The following STK39 variants were observed in gnomAD, a reference collection of about 807,000 sequenced individuals.
STK39 encodes the protein serine/threonine kinase 39, also known as STE20/SPS1-related proline-alanine-rich protein kinase.
Under a neutral mutation model 77.8 loss-of-function variants are expected in STK39, and 20 were observed. The observed-to-expected ratio is 0.26, with a 90% CI of 0.18 to 0.37. The LOEUF is 0.37. Among genes scored for constraint, STK39 ranks in the 10% least tolerant of loss-of-function variants. The pLI, the probability that STK39 is intolerant of heterozygous loss-of-function variation, is 1.00. For synonymous variants in STK39, 246 were observed against 234.1 expected, an observed-to-expected ratio of 1.05 and a Z score of -0.47; for missense variants, 479 against 656.5, an observed-to-expected ratio of 0.73 and a Z score of 2.95.
In STK39 at chr2:168,015,866, C is replaced by G. The variant is rs185521814; in HGVS notation, c.1429+1177G>C. Among the ~76,000 whole-genome samples the G allele has an allele frequency of 2.1e-3, 313 of 152,274 alleles. 4 individuals are homozygous for G. The highest frequency in any genetic ancestry group is 2.9e-4 in the Non-Finnish European group (20 of 68,008). ...TGCTGTACAACTTCATAAACCAACT[C>G]TAAATTGTCAAAGATGGATACCTCC... On this transcript the variant is annotated intron_variant, in intron 15 of 17. Transcript: ENST00000355999.
intron 16 of STK39, among the ~76,000 whole-genome samples, chr2:167,995,562 T>G (rs1242266262): frequency 6.6e-6 from 1 of 152,080 alleles, no homozygotes; most frequent in Non-Finnish European, 1.5e-5. Context: ...TACCTAAGAA[T>G]GTGAGCACTG....
At chr2:167,979,199 G>A (rs1182549763) in intron 16 of STK39, among the ~76,000 whole-genome samples, 2 of 152,136 alleles carry the variant, frequency 1.3e-5, no homozygotes, top group Non-Finnish European at 2.9e-5. Flanking sequence ...ACCTAGCAGT[G>A]GAATGGCTGG....
At position 168,063,684 on chromosome 2, in the gene STK39, A is replaced by T. The variant is rs193223074; in HGVS notation, c.1306-114T>A. The T allele has an allele frequency of 4.7e-5, 43 of 916,104 alleles. 1 individual carries two copies. In the Admixed American group the frequency reaches 5.2e-4, roughly 11 times the overall value. 56.7% of individuals were successfully genotyped at this position (916,104 alleles called of 1,614,324 possible). ...TTCTTTCTGGAAATTTCAAAACTAG[A>T]TCTTTACACACGCAGGCCTTCTTTG... On this transcript the variant is annotated intron_variant, in intron 13 of 17. Transcript: ENST00000355999.
intron 5 of STK39, among the ~76,000 whole-genome samples, chr2:168,141,281 G>GTCGC (rs1687973903): frequency 6.6e-6 from 1 of 152,150 alleles, no homozygotes; most frequent in African/African-American, 2.4e-5. Context: ...AAATGTTTTA[G>GTCGC]ATTTTGGATT....
intron 14 of STK39, among the ~76,000 whole-genome samples, chr2:168,030,167 G>C (rs901000832): frequency 3.9e-5 from 6 of 152,200 alleles, no homozygotes; most frequent in Non-Finnish European, 5.9e-5. Flanking sequence ...ATGAATCTGG[G>C]AGGCGGAGCT....
intron 1 of STK39, among the ~76,000 whole-genome samples, chr2:168,243,998 CAG>C (rs1217268246): frequency 1.3e-5 from 2 of 152,218 alleles, no homozygotes; most frequent in Middle Eastern, 3.4e-3. Context: ...TCCAAAAAGA[CAG>C]AAATATTTGA....
At chr2:168,038,070 T>G (rs1411753890) in intron 14 of STK39, among the ~76,000 whole-genome samples, 1 of 152,164 alleles carries the variant, frequency 6.6e-6, no homozygotes. Context: ...TGTGGTTTAG[T>G]TGAAAATCTG....
At chr2:168,017,308 T>C (rs1684437381) in intron 14 of STK39, among the ~76,000 whole-genome samples, 1 of 151,930 alleles carries the variant, frequency 6.6e-6, no homozygotes, top group Non-Finnish European at 1.5e-5. Context: ...TATATAAACA[T>C]GCTTATATCA....
intron 10 of STK39, 76 bp downstream of exon 10, chr2:168,129,465 T>G (rs1687624566): frequency 1.3e-6 from 2 of 1,538,040 alleles, no homozygotes; most frequent in African/African-American, 1.4e-5. Flanking sequence ...TGTGGAAATC[T>G]TTTTCCAATT....
At chr2:167,982,496 G>A (rs1185970098) in intron 16 of STK39, among the ~76,000 whole-genome samples, 1 of 152,176 alleles carries the variant, frequency 6.6e-6, no homozygotes, top group South Asian at 2.1e-4. Flanking sequence ...TGATGTAACA[G>A]GCACAGCTGC....
chr2:168,224,993 C>T (rs556877388), intron 1 of STK39, among the ~76,000 whole-genome samples: 1 of 152,270 alleles, frequency 6.6e-6, no homozygotes, highest in East Asian at 1.9e-4. Context: ...GGAAACTGCC[C>T]TTTGAGGTTC....
intron 10 of STK39, among the ~76,000 whole-genome samples, chr2:168,080,647 T>TA (rs1686205104): frequency 6.6e-6 from 1 of 151,970 alleles, no homozygotes. Flanking sequence ...AAAAAAATGT[T>TA]AATCACCAAG....
intron 16 of STK39, among the ~76,000 whole-genome samples, chr2:168,009,798 C>T (rs1052210285): frequency 5.9e-5 from 9 of 152,032 alleles, no homozygotes; most frequent in African/African-American, 2.2e-4. Flanking sequence ...GGAAAAAAGG[C>T]AAGCTGAAGA....
At chr2:168,131,120 GA>G (rs1687686557) in intron 8 of STK39, among the ~76,000 whole-genome samples, 1 of 152,186 alleles carries the variant, frequency 6.6e-6, no homozygotes, top group Admixed American at 6.5e-5. Flanking sequence ...TTGTTTATAA[GA>G]AATGCAAGCT....
At chr2:168,004,498 C>T (rs555660647) in intron 16 of STK39, among the ~76,000 whole-genome samples, 43 of 151,836 alleles carry the variant, frequency 2.8e-4, no homozygotes, top group Admixed American at 2.8e-3. Flanking sequence ...TTTGGGAGGC[C>T]GAGGCAGGCG....
At chr2:168,173,970 C>T (rs1450490209) in intron 2 of STK39, among the ~76,000 whole-genome samples, 1 of 152,164 alleles carries the variant, frequency 6.6e-6, no homozygotes, top group Non-Finnish European at 1.5e-5. Context: ...TGTCTTGTAC[C>T]ACTTACAAAT....
chr2:168,160,297 G>A (rs1688536070), intron 5 of STK39, among the ~76,000 whole-genome samples: 1 of 152,218 alleles, frequency 6.6e-6, no homozygotes, highest in African/African-American at 2.4e-5. Context: ...TTAATGGCAA[G>A]TTAGCTTCCA....
At chr2:168,074,017 C>T (rs896019485) in intron 12 of STK39, among the ~76,000 whole-genome samples, 16 of 151,982 alleles carry the variant, frequency 1.1e-4, no homozygotes, top group African/African-American at 3.1e-4. Flanking sequence ...GGCAGGCAAG[C>T]TGAAAAATGC....
intron 10 of STK39, among the ~76,000 whole-genome samples, chr2:168,079,093 C>T (rs1269863035): frequency 6.6e-6 from 1 of 152,162 alleles, no homozygotes; most frequent in Non-Finnish European, 1.5e-5. Context: ...GCCAAGCAGA[C>T]AAAAAGCCTT....
Sources: allele counts gnomAD v4.1 joint callset (sites outside exome capture counted in the v4.1 genomes callset), GRCh38; gene constraint gnomAD v4.1.1; transcripts MANE v1.5; gene names NCBI Gene and HGNC (gene_info 2026-07-23, HGNC 2026-07-21).